The following LRRC49 variants were observed in gnomAD, a reference collection of about 807,000 sequenced individuals.
LRRC49 encodes leucine-rich repeat-containing protein 49.
Under a neutral mutation model 83.3 loss-of-function variants are expected in LRRC49, and 50 were observed. The observed-to-expected ratio is 0.60, with a 90% CI of 0.48 to 0.76. LRRC49 has a LOEUF of 0.76. Among genes scored for constraint, LRRC49 ranks in the 30% least tolerant of loss-of-function variants. LRRC49 has a pLI of 0.00. For synonymous variants in LRRC49, 286 were observed against 283.3 expected, an observed-to-expected ratio of 1.01 and a Z score of -0.10; for missense variants, 704 against 809.1, an observed-to-expected ratio of 0.87 and a Z score of 1.58.
intron 11 of LRRC49, among the ~76,000 whole-genome samples, chr15:71,007,865 T>C (rs902353062): frequency 6.6e-6 from 1 of 151,308 alleles, no homozygotes; most frequent in Admixed American, 6.6e-5. Flanking sequence ...TCAAAAACCA[T>C]TGAAGTATCC....
intron 2 of LRRC49, among the ~76,000 whole-genome samples, chr15:70,885,807 A>G (rs1436305899): frequency 1.3e-5 from 2 of 152,222 alleles, no homozygotes; most frequent in Non-Finnish European, 2.9e-5. Context: ...TAATTAAGAT[A>G]AAAATTCCAA....
At chr15:70,892,722 G>T (rs1311079530), upstream of LRRC49, 4 of 1,484,334 alleles carry the variant, frequency 2.7e-6, no homozygotes, top group Non-Finnish European at 3.6e-6. Flanking sequence ...ACTAGAAGCT[G>T]CAACGACTGT....
chr15:71,032,412 T>G (rs905165769), intron 14 of LRRC49, among the ~76,000 whole-genome samples: 14 of 151,384 alleles, frequency 9.2e-5, no homozygotes, highest in Non-Finnish European at 3.0e-5. Flanking sequence ...AGACTGGAGC[T>G]GTTCCTATTC....
intron 10 of LRRC49, 69 bp from the exon 11 acceptor site, chr15:70,984,025 C>T: frequency 1.7e-6 from 2 of 1,148,284 alleles, no homozygotes; most frequent in East Asian, 2.5e-5. Flanking sequence ...AAACAATATG[C>T]CCCTTAGATG....
intron 1 of LRRC49, among the ~76,000 whole-genome samples, chr15:70,866,404 C>G (rs939886809): frequency 2.0e-5 from 3 of 152,156 alleles, no homozygotes; most frequent in Non-Finnish European, 4.4e-5. Flanking sequence ...TTCAGACTCC[C>G]CAATTGCCGG....
At chr15:70,853,994 T>C in intron 1 of LRRC49, 1 of 1,464,224 alleles carries the variant, frequency 6.8e-7, no homozygotes, top group South Asian at 1.3e-5. Context: ...CTCCTCGTCC[T>C]CCAACTCGTC....
chr15:70,904,232 C>T (rs186183442), intron 4 of LRRC49, among the ~76,000 whole-genome samples: 1 of 152,214 alleles, frequency 6.6e-6, no homozygotes, highest in East Asian at 1.9e-4. Context: ...CCATTTAAAC[C>T]TCTATCACAA....
chr15:70,923,679 A>C (rs1277437160), intron 7 of LRRC49, among the ~76,000 whole-genome samples: 1 of 151,862 alleles, frequency 6.6e-6, no homozygotes, highest in East Asian at 1.9e-4. Context: ...ATATAATTTC[A>C]GAAAATGTTG....
chr15:70,931,291 G>GC (rs762588675), intron 7 of LRRC49, among the ~76,000 whole-genome samples: 1 of 152,138 alleles, frequency 6.6e-6, no homozygotes, highest in Non-Finnish European at 1.5e-5. Flanking sequence ...CCAGTGAGTG[G>GC]AGCAGTCAGA....
Position 70,892,871 on chromosome 15 carries a change from A to G in LRRC49, c.-24A>G, listed in dbSNP as rs751263748. On this transcript the variant is annotated 5_prime_UTR_variant, in exon 1 of 16. Coordinates refer to ENST00000260382, the MANE Select transcript of LRRC49 (RefSeq NM_017691.5). ...GCGTCACCTGGAAGGCAGATCTAAC[A>G]GAGAACCTGGACTGTCTCCTATCAT... 1.2e-6 allele frequency: 2 copies of G among 1,614,082 alleles called. No homozygotes were observed. The highest frequency in any genetic ancestry group is 1.1e-5 in the South Asian group (1 of 91,082).
chr15:71,041,400 TA>T (rs1336309254), intron 15 of LRRC49, among the ~76,000 whole-genome samples: 1 of 152,140 alleles, frequency 6.6e-6, no homozygotes, highest in Non-Finnish European at 1.5e-5. Flanking sequence ...ATCCCAAGAA[TA>T]TTAATTTAGA....
At chr15:70,914,781 A>T (rs181377929) in intron 6 of LRRC49, among the ~76,000 whole-genome samples, 54 of 152,264 alleles carry the variant, frequency 3.5e-4, no homozygotes, top group African/African-American at 1.3e-3. Context: ...TCTTTCAGTG[A>T]TCTCTTTTCC....
intron 9 of LRRC49, among the ~76,000 whole-genome samples, chr15:70,967,018 A>G (rs1464359625): frequency 2.0e-5 from 3 of 152,144 alleles, no homozygotes; most frequent in Non-Finnish European, 2.9e-5. Context: ...TCCCAAGTCT[A>G]CCTGAAAAAC....
At chr15:71,021,856 G>A (rs1487831939) in intron 14 of LRRC49, among the ~76,000 whole-genome samples, 1 of 152,112 alleles carries the variant, frequency 6.6e-6, no homozygotes, top group East Asian at 1.9e-4. Flanking sequence ...AACATGCAAG[G>A]CCTCTTGAGT....
At chr15:70,873,541 C>T (rs140409452) in intron 2 of LRRC49, among the ~76,000 whole-genome samples, 215 of 152,232 alleles carry the variant, frequency 1.4e-3, no homozygotes, top group Non-Finnish European at 2.3e-3. Flanking sequence ...GCATGCTTGG[C>T]GGATTTGCTG....
intron 3 of LRRC49, among the ~76,000 whole-genome samples, chr15:70,897,615 T>G (rs1411616568): frequency 1.3e-5 from 2 of 152,232 alleles, no homozygotes; most frequent in East Asian, 3.8e-4. Context: ...TCTAATAAAC[T>G]GTATCTTGAT....
intron 8 of LRRC49, among the ~76,000 whole-genome samples, chr15:70,949,980 G>C (rs1281896776): frequency 6.6e-6 from 1 of 152,012 alleles, no homozygotes; most frequent in Non-Finnish European, 1.5e-5. Context: ...CCCCCATCAA[G>C]TGGTCCCCAG....
chr15:70,939,843 C>A (rs1376427459), intron 8 of LRRC49, among the ~76,000 whole-genome samples: 1 of 140,396 alleles, frequency 7.1e-6, no homozygotes, highest in Non-Finnish European at 1.5e-5. Flanking sequence ...AAATTTTAAA[C>A]TAGGTTTTTT....
upstream of LRRC49, chr15:70,892,081 G>A (rs751740031): frequency 3.7e-6 from 6 of 1,613,962 alleles, no homozygotes; most frequent in Non-Finnish European, 5.1e-6. Flanking sequence ...CCGAAGAGAC[G>A]TCAAAACAGG....
Sources: allele counts gnomAD v4.1 joint callset (sites outside exome capture counted in the v4.1 genomes callset), GRCh38; gene constraint gnomAD v4.1.1; transcripts MANE v1.5; gene names NCBI Gene and HGNC (gene_info 2026-07-23, HGNC 2026-07-21).